Variants in SPATS2 observed in about 807,000 individuals in gnomAD.
SPATS2 encodes spermatogenesis-associated serine-rich protein 2.
SPATS2 carries 38 observed loss-of-function variants against 63.7 expected under a neutral mutation model. That is an observed-to-expected ratio of 0.60 (90% CI 0.46 to 0.78). The LOEUF (loss-of-function observed/expected upper bound fraction) is 0.78. Ranked by LOEUF, SPATS2 falls within the 30% of genes least tolerant of loss-of-function variation. The probability of loss-of-function intolerance (pLI) is 0.00; values close to 1 mark genes in which losing one functional copy is unlikely to be tolerated. For synonymous variants in SPATS2, 207 were observed against 232.9 expected, an observed-to-expected ratio of 0.89 and a Z score of 1.01; for missense variants, 588 against 666.2, an observed-to-expected ratio of 0.88 and a Z score of 1.29.
chr12:49,367,368 A>G (rs569498747), upstream of SPATS2: 6 of 390,538 alleles, frequency 1.5e-5, no homozygotes, highest in Non-Finnish European at 2.3e-5. Flanking sequence ...GATCTCCGGC[A>G]GCATCCTGCA....
At chr12:49,505,126 A>G (rs956828250) in intron 9 of SPATS2, among the ~76,000 whole-genome samples, 5 of 151,974 alleles carry the variant, frequency 3.3e-5, no homozygotes, top group African/African-American at 1.2e-4. Flanking sequence ...AAGTCCTTAC[A>G]TTTAAAGGCC....
chr12:49,460,128 CAAAAA>C (rs1417605945), intron 2 of SPATS2, among the ~76,000 whole-genome samples: 4 of 150,798 alleles, frequency 2.7e-5, no homozygotes, highest in Admixed American at 6.6e-5. Context: ...AACAAACAAA[CAAAAA>C]AAGAAATTCT....
chr12:49,504,326 C>A (rs979540653), intron 9 of SPATS2, among the ~76,000 whole-genome samples: 3 of 152,120 alleles, frequency 2.0e-5, no homozygotes, highest in Non-Finnish European at 4.4e-5. Context: ...CTTAAAATTT[C>A]TTCTTATTGG....
chr12:49,409,633 C>T (rs1262057190), intron 2 of SPATS2, among the ~76,000 whole-genome samples: 7 of 121,332 alleles, frequency 5.8e-5, no homozygotes, highest in African/African-American at 2.2e-4. Context: ...ATGGAGTCTT[C>T]CCTGTGTCGC....
At chr12:49,500,031 T>C (rs2137944252) in intron 8 of SPATS2, 39 bp from the exon 9 acceptor site, 1 of 1,295,082 alleles carries the variant, frequency 7.7e-7, no homozygotes, top group Admixed American at 3.5e-5. Context: ...ATATAATTAT[T>C]CTTTTTTTTT....
At chr12:49,402,494 A>G (rs760660658) in intron 2 of SPATS2, among the ~76,000 whole-genome samples, 2 of 152,174 alleles carry the variant, frequency 1.3e-5, no homozygotes, top group Non-Finnish European at 2.9e-5. Context: ...GGGGACTATA[A>G]TTATTGTAAC....
At chr12:49,431,250 T>G (rs985981858) in intron 2 of SPATS2, among the ~76,000 whole-genome samples, 4 of 147,762 alleles carry the variant, frequency 2.7e-5, no homozygotes, top group African/African-American at 9.9e-5. Flanking sequence ...TATAAAGAAC[T>G]TTTTTTTTTT....
At chr12:49,498,145 AAT>A (rs1555191172) in intron 8 of SPATS2, among the ~76,000 whole-genome samples, 351 of 98,954 alleles carry the variant, frequency 3.5e-3, no homozygotes, top group African/African-American at 0.016. Flanking sequence ...AAAAAAAAAA[AAT>A]ATATATATAT....
chr12:49,437,636 G>C (rs1386233437), intron 2 of SPATS2, among the ~76,000 whole-genome samples: 1 of 151,690 alleles, frequency 6.6e-6, no homozygotes, highest in East Asian at 1.9e-4. Context: ...AGACCAGCCC[G>C]GCCAACACAG....
chr12:49,460,829 T>TA lies in SPATS2; in HGVS notation c.-183dup. The TA allele has an allele frequency of 1.6e-6, 1 of 634,412 alleles. No homozygotes were observed. The highest frequency in any genetic ancestry group is 2.8e-6 in the Non-Finnish European group (1 of 351,376). The allele number at this position is 634,412 out of a possible 1,614,324, so 39.3% of individuals were successfully genotyped here. A position where few individuals can be genotyped will look rare whatever the true frequency, so the allele number is the denominator to read the frequency against. On this transcript the variant is annotated 5_prime_UTR_variant, in exon 3 of 14. It introduces an in-frame stop codon into an upstream open reading frame of the 5' UTR. Coordinates refer to ENST00000552918, the MANE Select transcript of SPATS2 (RefSeq NM_023071.4). ...ATGATACTTCCTGACAAGAAGTTGA[T>TA]ACAAGAAAAGGAAAGGAGATTAACA... is the stretch of plus-strand genomic sequence containing the variant.
At chr12:49,368,223 T>C (rs1943937229) in intron 1 of SPATS2, among the ~76,000 whole-genome samples, 1 of 152,246 alleles carries the variant, frequency 6.6e-6, no homozygotes, top group African/African-American at 2.4e-5. Flanking sequence ...AGAAAGTGGA[T>C]CTTTCTCAAG....
intron 2 of SPATS2, among the ~76,000 whole-genome samples, chr12:49,451,880 A>T (rs1350441658): frequency 6.6e-6 from 1 of 152,254 alleles, no homozygotes; most frequent in Non-Finnish European, 1.5e-5. Context: ...TTTGCTAGAT[A>T]TCAAATTCTT....
intron 3 of SPATS2, among the ~76,000 whole-genome samples, chr12:49,468,115 T>G (rs1945959129): frequency 6.6e-6 from 1 of 151,634 alleles, no homozygotes. Context: ...CTTTTTCTCT[T>G]TCTTTCTTCT....
At chr12:49,461,130 T>G in intron 3 of SPATS2, 93 bp downstream of exon 3, 1 of 1,339,390 alleles carries the variant, frequency 7.5e-7, no homozygotes, top group Non-Finnish European at 1.1e-6. Context: ...TCTAATGTGT[T>G]TTGAATGGTT....
At chr12:49,428,352 A>G (rs1945121317) in intron 2 of SPATS2, among the ~76,000 whole-genome samples, 1 of 152,184 alleles carries the variant, frequency 6.6e-6, no homozygotes, top group Non-Finnish European at 1.5e-5. Flanking sequence ...TGGTATTAAT[A>G]CACTCACATT....
chr12:49,390,093 A>G (rs1403625672), intron 2 of SPATS2: 9 of 1,383,414 alleles, frequency 6.5e-6, no homozygotes, highest in Non-Finnish European at 3.1e-6. Context: ...ACCTAAGGAA[A>G]GAAGATGTGT....
At chr12:49,513,498 C>T (rs1033405583) in intron 9 of SPATS2, among the ~76,000 whole-genome samples, 1 of 152,022 alleles carries the variant, frequency 6.6e-6, no homozygotes, top group Non-Finnish European at 1.5e-5. Context: ...GCTGTGGGCT[C>T]TTTTATAACA....
chr12:49,447,448 A>G (rs1945533460), intron 2 of SPATS2, among the ~76,000 whole-genome samples: 1 of 151,348 alleles, frequency 6.6e-6, no homozygotes, highest in Non-Finnish European at 1.5e-5. Flanking sequence ...CATGTGAGCC[A>G]GGATGGTCTC....
intron 2 of SPATS2, among the ~76,000 whole-genome samples, chr12:49,452,835 A>G (rs1565729349): frequency 6.6e-6 from 1 of 151,308 alleles, no homozygotes; most frequent in East Asian, 1.9e-4. Context: ...TGTTTGAGGC[A>G]TTGTTCTACT....
Sources: allele counts gnomAD v4.1 joint callset (sites outside exome capture counted in the v4.1 genomes callset), GRCh38; gene constraint gnomAD v4.1.1; transcripts MANE v1.5; gene names NCBI Gene and HGNC (gene_info 2026-07-23, HGNC 2026-07-21).